PSCA: variants seen among roughly 807,000 people sequenced by gnomAD.
The protein encoded by PSCA is prostate stem cell antigen.
In PSCA, 7 loss-of-function variants were observed where a neutral mutation model predicts 7.9. The observed-to-expected ratio is 0.89, with a 90% confidence interval of 0.51 to 1.67. The LOEUF (loss-of-function observed/expected upper bound fraction) is 1.67. Ranked by LOEUF, PSCA falls within the 40% of genes most tolerant of loss-of-function variation. The probability of loss-of-function intolerance (pLI) is 0.00; values close to 1 mark genes in which losing one functional copy is unlikely to be tolerated. For missense variants in PSCA, 151 were observed against 147.9 expected (o/e 1.02, Z -0.11); for synonymous variants, 61 against 68.3 (o/e 0.89, Z 0.53).
upstream of PSCA, chr8:142,679,950 G>A (rs1436486884): frequency 6.6e-6 from 1 of 152,570 alleles, no homozygotes; most frequent in Non-Finnish European, 1.5e-5. Context: ...CTTGCCAAGA[G>A]GAGGGTTCCA....
chr8:142,672,931 G>A (rs782769710), intron 1 of PSCA, among the ~76,000 whole-genome samples: 1 of 152,108 alleles, frequency 6.6e-6, no homozygotes, highest in Non-Finnish European at 1.5e-5. Flanking sequence ...TATGCAAATG[G>A]GCTTCTACTT....
chr8:142,674,763 G>A (rs888732308), intron 1 of PSCA, among the ~76,000 whole-genome samples: 6 of 152,178 alleles, frequency 3.9e-5, no homozygotes, highest in Non-Finnish European at 8.8e-5. Context: ...CTACTGAGCG[G>A]AGCCTCCAGA....
chr8:142,679,217 G>A (rs587676373), upstream of PSCA, among the ~76,000 whole-genome samples: 1 of 152,392 alleles, frequency 6.6e-6, no homozygotes, highest in African/African-American at 2.4e-5. Flanking sequence ...CCTGGGCCTA[G>A]CCGCTGCCTC....
rs782268082 is a variant in PSCA, at chr8:142,680,581, C to T, written c.25+18C>T. On this transcript the variant is annotated intron_variant, in intron 1 of 2. Transcript: ENST00000301258. ...GCAGCCAGGTGAGGCCTTGGCTGGC[C>T]CCCAGCAGGGAAGGGAGCAGGGGTG... The T allele has an allele frequency of 6.4e-7, 1 of 1,553,744 alleles. No individual in the cohort carries two copies. Among genetic ancestry groups the T allele is most frequent in the South Asian group, 1.2e-5 (1 of 84,192 alleles).
Position 142,680,579 on chromosome 8 carries a change from G to GC in PSCA, c.25+21dup. On this transcript the variant is annotated intron_variant, in intron 1 of 2. Transcript: ENST00000301258. The stretch of plus-strand genomic sequence containing the variant: ...CTGCAGCCAGGTGAGGCCTTGGCTG[G>GC]CCCCCAGCAGGGAAGGGAGCAGGGG... 6.4e-7 allele frequency: 1 copy of GC among 1,553,720 alleles called. No homozygotes were observed. Among genetic ancestry groups the GC allele is most frequent in the Non-Finnish European group, 8.7e-7 (1 of 1,148,226 alleles).
intron 1 of PSCA, among the ~76,000 whole-genome samples, chr8:142,671,986 A>G (rs1847338429): frequency 1.3e-5 from 2 of 152,020 alleles, no homozygotes; most frequent in African/African-American, 4.8e-5. Context: ...GATCTCCTCC[A>G]GTGTCATGCC....
At chr8:142,679,724 A>T (rs907818228), upstream of PSCA, among the ~76,000 whole-genome samples, 15 of 152,200 alleles carry the variant, frequency 9.9e-5, no homozygotes, top group African/African-American at 3.1e-4. Context: ...TCTGGGTTAT[A>T]CGGGGTTGTG....
Position 142,682,502 on chromosome 8 carries a change from C to T in PSCA, c.*370C>T, listed in dbSNP as rs1450711841. 2 of 520,520 alleles carry T rather than the reference C, an allele frequency of 3.8e-6. No homozygotes were observed. Among genetic ancestry groups the T allele is most frequent in the East Asian group, 9.7e-5 (2 of 20,650 alleles). 32.2% of individuals were successfully genotyped at this position (520,520 alleles called of 1,614,324 possible). A position where few individuals can be genotyped will look rare whatever the true frequency, so the allele number is the denominator to read the frequency against. On this transcript the variant is annotated 3_prime_UTR_variant, in exon 3 of 3. Transcript: ENST00000301258. ...TGAGCCAGGTCTGGTCCGTGGTGTC[C>T]CCCGCACCCAGCAGGGGACAGGCAC... is the stretch of plus-strand genomic sequence containing the variant.
chr8:142,675,016 A>T (rs1357146171), intron 1 of PSCA, among the ~76,000 whole-genome samples: 1 of 152,320 alleles, frequency 6.6e-6, no homozygotes, highest in Non-Finnish European at 1.5e-5. Flanking sequence ...GTGGGCTTGT[A>T]TCCGGCAGTG....
In PSCA at chr8:142,682,327, A is replaced by G; in HGVS notation, c.*195A>G. On this transcript the variant is annotated 3_prime_UTR_variant, in exon 3 of 3. Transcript: ENST00000301258. The stretch of plus-strand genomic sequence containing the variant: ...GCCCTCTCCAGGACTCCCACCCGGC[A>G]GATCGGCTCTATTGACACAGATCCG... The G allele has an allele frequency of 1.3e-6, 1 of 742,040 alleles. No individual in the cohort carries two copies. The highest frequency in any genetic ancestry group is 2.4e-6 in the Non-Finnish European group (1 of 422,380). 46.0% of individuals were successfully genotyped at this position (742,040 alleles called of 1,614,324 possible). A position where few individuals can be genotyped will look rare whatever the true frequency, so the allele number is the denominator to read the frequency against.
chr8:142,674,267 C>CT (rs1274330129), intron 1 of PSCA, among the ~76,000 whole-genome samples: 8 of 144,036 alleles, frequency 5.6e-5, no homozygotes, highest in African/African-American at 1.9e-4. Flanking sequence ...CTCAGATCCC[C>CT]CATCTTCCTA....
At chr8:142,675,016 A>G (rs1357146171) in intron 1 of PSCA, among the ~76,000 whole-genome samples, 1 of 152,202 alleles carries the variant, frequency 6.6e-6, no homozygotes, top group Non-Finnish European at 1.5e-5. Context: ...GTGGGCTTGT[A>G]TCCGGCAGTG....
upstream of PSCA, among the ~76,000 whole-genome samples, chr8:142,677,109 A>G (rs1847408511): frequency 6.6e-6 from 1 of 152,216 alleles, no homozygotes. Flanking sequence ...GGCCGTAACC[A>G]GGGCTCGTTA....
At chr8:142,680,223 G>A (rs1563804894), upstream of PSCA, 2 of 442,156 alleles carry the variant, frequency 4.5e-6, no homozygotes, top group South Asian at 3.4e-5. Flanking sequence ...GCACTGTGAG[G>A]TGGGGGAGGT....
chr8:142,671,151 C>G (rs1427744119), intron 1 of PSCA, among the ~76,000 whole-genome samples: 1 of 152,146 alleles, frequency 6.6e-6, no homozygotes, highest in Non-Finnish European at 1.5e-5. Context: ...GGATGCAGAG[C>G]CCACGGGTTC....
intron 1 of PSCA, among the ~76,000 whole-genome samples, chr8:142,674,601 A>G (rs587700701): frequency 2.0e-5 from 3 of 152,354 alleles, no homozygotes; most frequent in African/African-American, 7.2e-5. Flanking sequence ...CTCCTTCACC[A>G]TCACCATTTT....
upstream of PSCA, among the ~76,000 whole-genome samples, chr8:142,678,253 T>C (rs1297798711): frequency 6.6e-6 from 1 of 151,968 alleles, no homozygotes; most frequent in Non-Finnish European, 1.5e-5. Flanking sequence ...GAGGTAACAA[T>C]GAAGGCCGGA....
intron 1 of PSCA, among the ~76,000 whole-genome samples, chr8:142,671,874 C>T (rs1291764404): frequency 2.6e-5 from 4 of 152,048 alleles, no homozygotes; most frequent in African/African-American, 9.7e-5. Context: ...CCAGCACCCT[C>T]CCACCCTCTG....
At position 142,673,388 on chromosome 8, in the gene PSCA, TG is replaced by T. The variant is rs1164342045; in HGVS notation, n.261+2823del. Among the ~76,000 whole-genome samples the T allele has an allele frequency of 2.6e-5, 4 of 152,122 alleles. No homozygotes were observed. The highest frequency in any genetic ancestry group is 5.9e-5 in the Non-Finnish European group (4 of 68,014). ...GCTCCTACCATTACTCACGGAACCT[TG>T]GGCCTCTTCTCGAGGACCAAGTCCA... On this transcript the variant is annotated intron_variant and non_coding_transcript_variant, in intron 1 of 1. Coordinates refer to the PSCA transcript ENST00000505305. This position sits in a 1 kb window ranked among gnomAD's most constrained non-coding sequence, Gnocchi z 4.6.
Sources: gnomAD v4.1 joint callset for allele counts (sites outside exome capture counted in the v4.1 genomes callset) on GRCh38, gnomAD v4.1.1 for gene constraint, Gnocchi (gnomAD v3.1) non-coding constraint, MANE v1.5 for transcripts, NCBI Gene and HGNC (gene_info 2026-07-23, HGNC 2026-07-21) for gene names.